RHOT1: variants seen among roughly 807,000 people sequenced by gnomAD.
RHOT1 encodes the protein mitochondrial Rho GTPase 1.
A neutral mutation model predicts 95.3 loss-of-function variants in RHOT1; 27 were observed. That is an observed-to-expected ratio of 0.28 (90% CI 0.21 to 0.39). The LOEUF (loss-of-function observed/expected upper bound fraction) is 0.39, where lower values mean the gene tolerates loss of function less well. Ranked by LOEUF, RHOT1 falls within the 10% of genes least tolerant of loss-of-function variation. RHOT1 has a pLI of 1.00. For synonymous variants in RHOT1, 227 were observed against 263.5 expected (o/e 0.86, Z 1.34); for missense variants, 578 against 786.7 (o/e 0.73, Z 3.17).
chr17:32,153,508 A>G (rs1470514698), intron 1 of RHOT1, among the ~76,000 whole-genome samples: 1 of 152,168 alleles, frequency 6.6e-6, no homozygotes, highest in Non-Finnish European at 1.5e-5. Context: ...ACAATTTTTA[A>G]AATTAGCTGG....
intron 8 of RHOT1, among the ~76,000 whole-genome samples, chr17:32,183,965 C>T (rs752413163): frequency 5.3e-5 from 8 of 152,202 alleles, no homozygotes; most frequent in African/African-American, 9.6e-5. Context: ...GGATTACAGG[C>T]GTGAGCCACT....
intron 9 of RHOT1, 33 bp downstream of exon 9, chr17:32,192,332 CTTTTTTTTT>C (rs397857197): frequency 5.2e-5 from 28 of 542,592 alleles, no homozygotes; most frequent in East Asian, 1.8e-4. Flanking sequence ...ATTTGCGTAT[CTTTTTTTTT>C]TTTTTTTTTT....
At chr17:32,166,277 A>C (rs913988558) in intron 1 of RHOT1, among the ~76,000 whole-genome samples, 10 of 152,140 alleles carry the variant, frequency 6.6e-5, no homozygotes, top group Non-Finnish European at 1.0e-4. Flanking sequence ...ACCTTAATTT[A>C]AAAATACTTT....
chr17:32,158,420 G>C (rs1313880299), intron 1 of RHOT1, among the ~76,000 whole-genome samples: 1 of 151,992 alleles, frequency 6.6e-6, no homozygotes, highest in African/African-American at 2.4e-5. Context: ...CTCAGTTTTT[G>C]TTTGTTTGTT....
At chr17:32,168,576 T>G (rs1014363839) in intron 1 of RHOT1, among the ~76,000 whole-genome samples, 1 of 150,704 alleles carries the variant, frequency 6.6e-6, no homozygotes, top group Non-Finnish European at 1.5e-5. Context: ...ACCAGACATA[T>G]ATATATACAC....
At chr17:32,176,313 A>C in intron 6 of RHOT1, 100 bp downstream of exon 6, 1 of 921,534 alleles carries the variant, frequency 1.1e-6, no homozygotes, top group Non-Finnish European at 1.7e-6. Flanking sequence ...TCCTTCACTT[A>C]AATTTACTAG....
chr17:32,189,672 A>G (rs1202906198), intron 8 of RHOT1, among the ~76,000 whole-genome samples: 1 of 152,116 alleles, frequency 6.6e-6, no homozygotes, highest in Non-Finnish European at 1.5e-5. Context: ...CACAAGTGCA[A>G]ACTTTAAATT....
chr17:32,192,886 G>A (rs1461471693), intron 9 of RHOT1, among the ~76,000 whole-genome samples: 1 of 152,018 alleles, frequency 6.6e-6, no homozygotes. Context: ...TGGCCAGGGT[G>A]GACTCGATCT....
chr17:32,165,007 A>G (rs118105946), intron 1 of RHOT1, among the ~76,000 whole-genome samples: 10,320 of 151,710 alleles, frequency 0.068, 427 homozygotes, highest in Admixed American at 0.12. Flanking sequence ...AACAACAACA[A>G]CAGCAAAACA....
chr17:32,151,606 G>A (rs561442889), intron 1 of RHOT1: 14 of 285,068 alleles, frequency 4.9e-5, no homozygotes, highest in African/African-American at 1.6e-4. Context: ...ATCATGGCCC[G>A]GAGCAGTGGC....
intron 8 of RHOT1, among the ~76,000 whole-genome samples, chr17:32,188,946 C>G (rs957691133): frequency 1.3e-5 from 2 of 152,142 alleles, no homozygotes; most frequent in African/African-American, 4.8e-5. Flanking sequence ...TAATTTACTC[C>G]GAATCCAGTA....
chr17:32,146,148 C>A (rs1049474504), intron 1 of RHOT1, among the ~76,000 whole-genome samples: 1 of 152,204 alleles, frequency 6.6e-6, no homozygotes, highest in Non-Finnish European at 1.5e-5. Flanking sequence ...TCCTTCATTG[C>A]TCTCTCTATA....
rs147576979 is a variant in RHOT1, at chr17:32,183,206, C to G, written c.474C>G (p.Leu158=). 1 of 1,569,594 alleles carries G rather than the reference C, an allele frequency of 6.4e-7. No homozygotes were observed. Among genetic ancestry groups the G allele is most frequent in the African/African-American group, 1.4e-5 (1 of 73,418 alleles). ...AAAACCTGAAGAACATATCAGAGCT[C>G]TTTTATTACGCACAGAAAGCTGTTC... ...SAKNLKNISE[L]FYYAQKAVLH... Residue 158 remains leucine (L), a synonymous_variant, in exon 8 of 20, where the codon CTC becomes CTG. Coordinates refer to ENST00000545287, the MANE Select transcript of RHOT1 (RefSeq NM_001033566.3).
chr17:32,149,611 A>ATG (rs1459915998), intron 1 of RHOT1, among the ~76,000 whole-genome samples: 88 of 85,866 alleles, frequency 1.0e-3, no homozygotes, highest in African/African-American at 6.1e-3. Context: ...ATATATATAT[A>ATG]TATATATATA....
intron 19 of RHOT1, among the ~76,000 whole-genome samples, chr17:32,222,130 T>C (rs1006587835): frequency 6.6e-6 from 1 of 152,228 alleles, no homozygotes; most frequent in African/African-American, 2.4e-5. Context: ...TCAGTGCAGA[T>C]GCATGATAAT....
At chr17:32,195,735 G>A (rs559490543) in intron 11 of RHOT1, among the ~76,000 whole-genome samples, 51 of 152,244 alleles carry the variant, frequency 3.3e-4, no homozygotes, top group African/African-American at 1.1e-3. Context: ...TAGATTCCTA[G>A]TCCATTAATC....
chr17:32,183,283 G>A lies in RHOT1; in HGVS notation c.540+11G>A, dbSNP rs749086162. On this transcript the variant is annotated intron_variant, in intron 8 of 19. Coordinates refer to ENST00000545287, the MANE Select transcript of RHOT1 (RefSeq NM_001033566.3). Reference sequence around the variant, plus strand: ...CCAGAGGAGAAGGAGGTAACAGGCTGTGTTTATAGGGGCTGGAATGTGTAT... The same window carrying A: ...CCAGAGGAGAAGGAGGTAACAGGCTATGTTTATAGGGGCTGGAATGTGTAT... The A allele has an allele frequency of 3.6e-6, 5 of 1,397,030 alleles. No individual in the cohort carries two copies. Among genetic ancestry groups the A allele is most frequent in the East Asian group, 2.4e-5 (1 of 40,870 alleles). The allele number at this position is 1,397,030 out of a possible 1,614,324, so 86.5% of individuals were successfully genotyped here.
chr17:32,213,667 A>G (rs2038272236), intron 19 of RHOT1, among the ~76,000 whole-genome samples: 2 of 152,218 alleles, frequency 1.3e-5, no homozygotes, highest in Admixed American at 6.5e-5. Context: ...ATTTTGGTGA[A>G]CTCACCTTGG....
intron 19 of RHOT1, among the ~76,000 whole-genome samples, chr17:32,219,352 T>C (rs1340811845): frequency 6.6e-6 from 1 of 152,190 alleles, no homozygotes; most frequent in African/African-American, 2.4e-5. Context: ...GGTCTTGAAC[T>C]CCTGGTCTTA....
Sources: allele counts gnomAD v4.1 joint callset (sites outside exome capture counted in the v4.1 genomes callset), GRCh38; gene constraint gnomAD v4.1.1; transcripts MANE v1.5; gene names NCBI Gene and HGNC (gene_info 2026-07-23, HGNC 2026-07-21).